Variants in SAMD3 observed in about 807,000 individuals in gnomAD.
SAMD3 encodes sterile alpha motif domain containing 3.
A neutral mutation model predicts 58.5 loss-of-function variants in SAMD3; 63 were observed. The observed-to-expected ratio is 1.08, with a 90% CI of 0.88 to 1.33. The LOEUF (loss-of-function observed/expected upper bound fraction) is 1.33, where lower values mean the gene tolerates loss of function less well. Ranked by LOEUF, SAMD3 falls within the 40% of genes most tolerant of loss-of-function variation. The pLI, the probability that SAMD3 is intolerant of heterozygous loss-of-function variation, is 0.00. For missense variants in SAMD3, 604 were observed against 608.4 expected (o/e 0.99, Z 0.08); for synonymous variants, 220 against 210.3 (o/e 1.05, Z -0.40).
chr6:130,189,829 A>G (rs1220954835), intron 5 of SAMD3, among the ~76,000 whole-genome samples: 1 of 152,264 alleles, frequency 6.6e-6, no homozygotes, highest in Non-Finnish European at 1.5e-5. Context: ...TGTGAAAAAC[A>G]GAATGCAGGT....
chr6:130,215,218 C>G lies in SAMD3; in HGVS notation c.56G>C (p.Gly19Ala). The change falls in exon 3 of 12, where the codon GGA (glycine) becomes GCA (alanine). Residue 19 changes from glycine (G) to alanine (A), a missense_variant. Transcript: ENST00000439090. ...VCSWLVEKNL[G>A]ELVHRFQEEE... ...ACCTTGAAATCTATGAACTAGCTCT[C>G]CTAAATTTTTCTCCACCAACCAACT... is the stretch of plus-strand genomic sequence containing the variant. 6.2e-7 allele frequency: 1 copy of G among 1,607,064 alleles called. No individual in the cohort carries two copies. The highest frequency in any genetic ancestry group is 8.5e-7 in the Non-Finnish European group (1 of 1,174,288).
intron 1 of SAMD3, among the ~76,000 whole-genome samples, chr6:130,358,289 G>T (rs1358221540): frequency 2.0e-5 from 3 of 152,178 alleles, no homozygotes; most frequent in Admixed American, 6.5e-5. Context: ...CTTGCCAGAA[G>T]ATTCCTTAAA....
At chr6:130,365,761 T>C (rs1447054959), upstream of SAMD3, 1 of 985,378 alleles carries the variant, frequency 1.0e-6, no homozygotes, top group Non-Finnish European at 1.2e-6. Flanking sequence ...CTGCGGGTGA[T>C]TTGGGCTCTC....
chr6:130,353,604 C>A (rs977054006), intron 1 of SAMD3, among the ~76,000 whole-genome samples: 1 of 152,064 alleles, frequency 6.6e-6, no homozygotes, highest in African/African-American at 2.4e-5. Context: ...ATTTTGTAAC[C>A]CTCAAATTTA....
chr6:130,219,919 A>T (rs187340643), intron 1 of SAMD3, among the ~76,000 whole-genome samples: 246 of 152,364 alleles, frequency 1.6e-3, no homozygotes, highest in African/African-American at 5.6e-3. Flanking sequence ...AGTTGTCTGT[A>T]ATTCACAACA....
At chr6:130,323,383 C>A (rs755146120) in intron 1 of SAMD3, among the ~76,000 whole-genome samples, 9 of 152,132 alleles carry the variant, frequency 5.9e-5, no homozygotes, top group Non-Finnish European at 1.2e-4. Context: ...CACTCTTTCA[C>A]TTGTATTTCC....
chr6:130,275,633 G>A (rs1478251053), intron 2 of SAMD3, among the ~76,000 whole-genome samples: 2 of 151,904 alleles, frequency 1.3e-5, no homozygotes, highest in Non-Finnish European at 2.9e-5. Flanking sequence ...CTAATGATAT[G>A]GGAGAAAAAT....
chr6:130,236,384 C>CT (rs777968481), intron 2 of SAMD3, among the ~76,000 whole-genome samples: 9,220 of 139,674 alleles, frequency 0.066, 319 homozygotes, highest in South Asian at 0.1. Context: ...AAATGATTGA[C>CT]TTTTTTTTTT....
chr6:130,230,902 C>G (rs1382092999), intron 2 of SAMD3, among the ~76,000 whole-genome samples: 1 of 152,158 alleles, frequency 6.6e-6, no homozygotes, highest in Non-Finnish European at 1.5e-5. Context: ...ATACTTACAC[C>G]TGAAAACTTC....
intron 5 of SAMD3, among the ~76,000 whole-genome samples, chr6:130,202,587 G>A (rs1039135231): frequency 1.3e-5 from 2 of 152,242 alleles, no homozygotes; most frequent in Non-Finnish European, 2.9e-5. Context: ...TATTTCCTAA[G>A]GTGTTTTGTT....
rs532533371 is a variant in SAMD3 at position 130,198,379 on chromosome 6, A to C, written c.383+11116T>G. 5.3e-5 allele frequency among the ~76,000 whole-genome samples: 8 copies of C among 152,052 alleles called. 1 individual carries two copies. Among genetic ancestry groups the C allele is most frequent in the African/African-American group, 1.9e-4 (8 of 41,494 alleles). ...ATCACCACACCCAGCTAATTTTTAA[A>C]ATTTATTTTTGTAGAGATGAGGTCT... On this transcript the variant is annotated intron_variant, in intron 5 of 11. Coordinates refer to ENST00000439090, the MANE Select transcript of SAMD3 (RefSeq NM_001017373.4).
At chr6:130,254,546 C>T (rs1329992674) in intron 2 of SAMD3, among the ~76,000 whole-genome samples, 1 of 152,064 alleles carries the variant, frequency 6.6e-6, no homozygotes, top group Non-Finnish European at 1.5e-5. Flanking sequence ...CCAGGCTGGT[C>T]TCAAATTCCT....
intron 5 of SAMD3, among the ~76,000 whole-genome samples, chr6:130,200,560 A>AG (rs1794563118): frequency 6.7e-6 from 1 of 149,894 alleles, no homozygotes; most frequent in Non-Finnish European, 1.5e-5. Context: ...CGACCCACAA[A>AG]AAAAAAAAAA....
intron 5 of SAMD3, among the ~76,000 whole-genome samples, chr6:130,201,395 C>A (rs1794643517): frequency 6.6e-6 from 1 of 152,154 alleles, no homozygotes; most frequent in South Asian, 2.1e-4. Context: ...CTTTGTTACT[C>A]AAAACGTGGT....
chr6:130,219,890 A>T (rs1178366802), intron 1 of SAMD3, among the ~76,000 whole-genome samples: 2 of 152,228 alleles, frequency 1.3e-5, no homozygotes, highest in Non-Finnish European at 2.9e-5. Context: ...GGTTCTTTTT[A>T]TCTAGCAAGA....
intron 2 of SAMD3, among the ~76,000 whole-genome samples, chr6:130,266,964 C>G (rs973306016): frequency 1.6e-4 from 24 of 152,300 alleles, no homozygotes; most frequent in African/African-American, 5.3e-4. Context: ...TTGTTGCAAG[C>G]TGTTTTAGAA....
At chr6:130,274,539 TA>T (rs1264665182) in intron 2 of SAMD3, among the ~76,000 whole-genome samples, 1 of 152,090 alleles carries the variant, frequency 6.6e-6, no homozygotes, top group Admixed American at 6.6e-5. Flanking sequence ...GGGACACATG[TA>T]AATAGGACTC....
intron 5 of SAMD3, among the ~76,000 whole-genome samples, chr6:130,196,108 G>A (rs1468896483): frequency 2.0e-5 from 3 of 152,068 alleles, no homozygotes; most frequent in Non-Finnish European, 4.4e-5. Context: ...CTGGGATCGC[G>A]TCCTGTAGCC....
At chr6:130,176,234 C>G in intron 7 of SAMD3, 3 of 573,214 alleles carry the variant, frequency 5.2e-6, no homozygotes, top group Non-Finnish European at 9.3e-6. Context: ...CAGACAAAGT[C>G]ACAGAAATAT....
Sources: gnomAD v4.1 joint callset for allele counts (sites outside exome capture counted in the v4.1 genomes callset) on GRCh38, gnomAD v4.1.1 for gene constraint, MANE v1.5 for transcripts, NCBI Gene and HGNC (gene_info 2026-07-23, HGNC 2026-07-21) for gene names.